The following EIF5B variants were observed in gnomAD, a reference collection of about 807,000 sequenced individuals.
EIF5B encodes the protein eIF-5B.
Under a neutral mutation model 147.5 loss-of-function variants are expected in EIF5B, and 47 were observed. That is an observed-to-expected ratio of 0.32 (90% CI 0.25 to 0.41). EIF5B has a LOEUF of 0.41. EIF5B is among the 10% of genes least tolerant of loss of function. The pLI, the probability that EIF5B is intolerant of heterozygous loss-of-function variation, is 1.00. For missense variants in EIF5B, 1,064 were observed against 1,413.2 expected (o/e 0.75, Z 3.96); for synonymous variants, 455 against 456.2 (o/e 1.00, Z 0.03).
chr2:99,398,253 C>T (rs1675104729), intron 22 of EIF5B: 1 of 152,750 alleles, frequency 6.5e-6, no homozygotes, highest in African/African-American at 2.4e-5. Flanking sequence ...TTCACTCTTA[C>T]TCTCCTGAAT....
At position 99,399,834 on chromosome 2, in the gene EIF5B, T is replaced by G. The variant is rs1675166369; in HGVS notation, c.*420T>G. On this transcript the variant is annotated 3_prime_UTR_variant, in exon 24 of 24. Transcript: ENST00000289371. The stretch of plus-strand genomic sequence containing the variant: ...CTTTTTTGACGTAAGAAATACTTCT[T>G]TATTTATGCATATTCTTCCCACAGT... 1 of 156,484 alleles carries G rather than the reference T, an allele frequency of 6.4e-6. No individual in the cohort carries two copies. Among genetic ancestry groups the G allele is most frequent in the Admixed American group, 6.3e-5 (1 of 15,982 alleles). The allele number at this position is 156,484 out of a possible 1,614,324, so 9.7% of individuals were successfully genotyped here. A position where few individuals can be genotyped will look rare whatever the true frequency, so the allele number is the denominator to read the frequency against.
In EIF5B at chr2:99,393,149, T is replaced by C. The variant is rs757877677; in HGVS notation, c.2880+51T>C. On this transcript the variant is annotated intron_variant, in intron 18 of 23. Transcript: ENST00000289371. ...CTTAAAAGCTATTTGAGTTCTGGCA[T>C]GTGTCAGCATTGCACATGCTAGGGA... 1.6e-5 allele frequency: 23 copies of C among 1,419,888 alleles called. 1 individual carries two copies. In the Admixed American group the frequency reaches 5.1e-4, roughly 31 times the overall value. 88.0% of individuals were successfully genotyped at this position (1,419,888 alleles called of 1,614,324 possible).
chr2:99,387,179 A>G (rs1674827794), intron 14 of EIF5B, among the ~76,000 whole-genome samples: 1 of 152,148 alleles, frequency 6.6e-6, no homozygotes, highest in East Asian at 1.9e-4. Context: ...AAGCCCTGGG[A>G]TTTCAGGCAT....
chr2:99,393,194 T>C, intron 18 of EIF5B, 96 bp downstream of exon 18: 1 of 1,174,978 alleles, frequency 8.5e-7, no homozygotes, highest in Admixed American at 3.2e-5. Context: ...AAACTGGCTT[T>C]GTCTTTGTGA....
At chr2:99,382,650 G>C in intron 13 of EIF5B, 130 bp from the exon 14 acceptor site, 2 of 913,096 alleles carry the variant, frequency 2.2e-6, no homozygotes, top group Non-Finnish European at 3.1e-6. Context: ...CAAGTTAAGG[G>C]CTAATAGTAC....
chr2:99,362,486 G>A (rs1337619296), intron 4 of EIF5B, among the ~76,000 whole-genome samples: 3 of 151,996 alleles, frequency 2.0e-5, no homozygotes, highest in Admixed American at 6.5e-5. Context: ...AGATCACGAG[G>A]TCAGGAGATA....
chr2:99,353,920 A>T (rs1323760748), intron 1 of EIF5B, among the ~76,000 whole-genome samples: 9 of 152,220 alleles, frequency 5.9e-5, no homozygotes, highest in African/African-American at 2.2e-4. Context: ...CTGTCTATTC[A>T]ACCATTCACC....
intron 9 of EIF5B, among the ~76,000 whole-genome samples, chr2:99,373,361 G>C (rs981717486): frequency 1.3e-5 from 2 of 152,210 alleles, no homozygotes; most frequent in African/African-American, 4.8e-5. Context: ...GCTGCTGTCT[G>C]CTTCCAAGAT....
At chr2:99,390,429 T>TG (rs573404864) in intron 16 of EIF5B, 28 bp downstream of exon 16, 50 of 1,485,700 alleles carry the variant, frequency 3.4e-5, no homozygotes, top group African/African-American at 2.1e-4. Flanking sequence ...AGTTTATTGT[T>TG]TTTTTTTTTT....
At chr2:99,383,409 A>T (rs184843617) in intron 14 of EIF5B, among the ~76,000 whole-genome samples, 1 of 152,238 alleles carries the variant, frequency 6.6e-6, no homozygotes, top group East Asian at 1.9e-4. Context: ...TTCCTGAGAC[A>T]GTATTGAAGT....
chr2:99,367,570 GGGATTATAGGCACC>G (rs1674354987), intron 6 of EIF5B, among the ~76,000 whole-genome samples: 2 of 151,686 alleles, frequency 1.3e-5, no homozygotes. Context: ...CTGAGTAGCT[GGGATTATAGGCACC>G]CACCACCACA....
At chr2:99,395,076 T>A (rs1427824849) in intron 21 of EIF5B, among the ~76,000 whole-genome samples, 193 bp downstream of exon 21, 7 of 152,224 alleles carry the variant, frequency 4.6e-5, no homozygotes, top group Non-Finnish European at 7.3e-5. Flanking sequence ...AAACAAGTCT[T>A]GTCTGTGACT....
At chr2:99,385,759 GAA>G (rs938986051) in intron 14 of EIF5B, among the ~76,000 whole-genome samples, 2 of 152,174 alleles carry the variant, frequency 1.3e-5, no homozygotes, top group Admixed American at 6.5e-5. Flanking sequence ...GCATGTATAA[GAA>G]AATGCACCCC....
rs1010516781 is a variant in EIF5B at position 99,367,530 on chromosome 2, A to G, written c.1289-963A>G. Among the ~76,000 whole-genome samples the G allele has an allele frequency of 3.3e-5, 5 of 151,016 alleles. No individual in the cohort carries two copies. The Admixed American group carries it at 3.3e-4, about 10-fold the overall frequency. ...CAGCCCACTGCAACCTCTGCCTCCC[A>G]GGTTCAAGTGATTCTCCTGCCTCAG... On this transcript the variant is annotated intron_variant, in intron 6 of 23. Transcript: ENST00000289371.
At chr2:99,366,281 G>C (rs111544862) in intron 6 of EIF5B, among the ~76,000 whole-genome samples, 52 of 152,306 alleles carry the variant, frequency 3.4e-4, no homozygotes, top group African/African-American at 1.2e-3. Context: ...GCAGTAGTCA[G>C]TTGATTAAGT....
rs1348655647 is a variant in EIF5B, at chr2:99,376,610, T to C, written c.1816T>C (p.Tyr606His). The C allele has an allele frequency of 6.2e-7, 1 of 1,607,096 alleles. No homozygotes were observed. The highest frequency in any genetic ancestry group is 8.5e-7 in the Non-Finnish European group (1 of 1,177,676). Residue 606 changes from tyrosine to histidine, a missense_variant, in exon 10 of 24, where the codon TAT becomes CAT. Tyr to His is a moderately conservative substitution (Grantham distance 83). Transcript: ENST00000289371. ...DDDRTKEERAYDKAKRRIEKR... is the reference protein window; with the variant it reads ...DDDRTKEERAHDKAKRRIEKR... ...TGATCGGACTAAAGAAGAAAGGGCT[T>C]ATGACAAAGCAAAACGGAGGATTGA...
At chr2:99,337,656 G>T (rs1389411751) in intron 1 of EIF5B, 67 bp downstream of exon 1, 2 of 1,535,620 alleles carry the variant, frequency 1.3e-6, no homozygotes, top group Non-Finnish European at 1.8e-6. Context: ...GGTCTCGCCG[G>T]GCGCGGCGTC....
chr2:99,363,396 T>C (rs1056942411), intron 4 of EIF5B, among the ~76,000 whole-genome samples: 3 of 152,190 alleles, frequency 2.0e-5, no homozygotes, highest in African/African-American at 7.2e-5. Context: ...CCTTCTGTCT[T>C]ACTGTATTCC....
chr2:99,389,266 C>T (rs1358544551), intron 14 of EIF5B, among the ~76,000 whole-genome samples: 5 of 152,086 alleles, frequency 3.3e-5, no homozygotes, highest in Non-Finnish European at 7.4e-5. Flanking sequence ...CTGTCATTAA[C>T]AAAACAGATT....
Sources: allele counts gnomAD v4.1 joint callset (sites outside exome capture counted in the v4.1 genomes callset), GRCh38; gene constraint gnomAD v4.1.1; transcripts MANE v1.5; gene names NCBI Gene and HGNC (gene_info 2026-07-23, HGNC 2026-07-21).